The following DAB1 variants were observed in gnomAD, a reference collection of about 807,000 sequenced individuals.
DAB1 encodes disabled homolog 1.
In DAB1, 15 loss-of-function variants were observed where a neutral mutation model predicts 64.6. The ratio of observed to expected loss-of-function variants is 0.23; its 90% CI spans 0.16 to 0.36. The LOEUF (loss-of-function observed/expected upper bound fraction) is 0.36, where lower values mean the gene tolerates loss of function less well. Ranked by LOEUF, DAB1 falls within the 10% of genes least tolerant of loss-of-function variation. The probability of loss-of-function intolerance (pLI) is 1.00; values close to 1 mark genes in which losing one functional copy is unlikely to be tolerated. For synonymous variants in DAB1, 235 were observed against 251.9 expected, an observed-to-expected ratio of 0.93 and a Z score of 0.64; for missense variants, 596 against 706.7, an observed-to-expected ratio of 0.84 and a Z score of 1.78.
At chr1:57,072,068 A>T (rs1244560761) in intron 5 of DAB1, among the ~76,000 whole-genome samples, 4 of 148,852 alleles carry the variant, frequency 2.7e-5, no homozygotes, top group African/African-American at 9.8e-5. Context: ...ATTAGTTAAA[A>T]AAAAAAAAAA....
chr1:57,193,547 C>T (rs925779195), intron 2 of DAB1, among the ~76,000 whole-genome samples: 4 of 151,836 alleles, frequency 2.6e-5, no homozygotes, highest in African/African-American at 9.7e-5. Context: ...CCACTATGCC[C>T]AGCTAATTTT....
At chr1:58,301,243 T>A (rs1242986467) in intron 4 of DAB1, among the ~76,000 whole-genome samples, 1 of 129,324 alleles carries the variant, frequency 7.7e-6, no homozygotes, top group African/African-American at 3.0e-5. Context: ...GAGGGGGGGG[T>A]CATGAAATTA....
intron 1 of DAB1, among the ~76,000 whole-genome samples, chr1:57,392,639 A>C (rs918690995): frequency 6.6e-6 from 1 of 152,228 alleles, no homozygotes; most frequent in Middle Eastern, 3.2e-3. Context: ...CAGGAGAAAT[A>C]TTTTTGGTGG....
intron 5 of DAB1, among the ~76,000 whole-genome samples, chr1:57,914,983 GT>G (rs1644704457): frequency 6.6e-6 from 1 of 152,088 alleles, no homozygotes; most frequent in Non-Finnish European, 1.5e-5. Context: ...TTTGAAAAAT[GT>G]ATCTTACTAT....
intron 4 of DAB1, among the ~76,000 whole-genome samples, chr1:57,123,609 T>C (rs921457319): frequency 6.6e-6 from 1 of 152,094 alleles, no homozygotes; most frequent in Non-Finnish European, 1.5e-5. Flanking sequence ...AGAATTTCAA[T>C]GAAGGAAATA....
chr1:57,453,847 C>CT (rs1013615964), intron 7 of DAB1, among the ~76,000 whole-genome samples: 2 of 151,960 alleles, frequency 1.3e-5, no homozygotes, highest in African/African-American at 4.8e-5. Flanking sequence ...GACATTACTT[C>CT]TTTTTTTCTC....
chr1:57,904,958 C>G (rs900131672), intron 5 of DAB1, among the ~76,000 whole-genome samples: 1 of 152,082 alleles, frequency 6.6e-6, no homozygotes. Flanking sequence ...ATTCCAACTG[C>G]TCCATGAAAG....
chr1:57,188,577 A>G (rs141289094), intron 2 of DAB1, among the ~76,000 whole-genome samples: 12 of 152,314 alleles, frequency 7.9e-5, no homozygotes, highest in African/African-American at 2.9e-4. Flanking sequence ...ACTGTCATCA[A>G]AGATGATATG....
At chr1:57,101,141 T>A (rs1654650831) in intron 4 of DAB1, among the ~76,000 whole-genome samples, 2 of 152,136 alleles carry the variant, frequency 1.3e-5, no homozygotes, top group Non-Finnish European at 2.9e-5. Flanking sequence ...TGGTACTGGG[T>A]CTGACTTCTA....
At chr1:58,355,675 C>T (rs568968728) in intron 3 of DAB1, among the ~76,000 whole-genome samples, 19 of 152,304 alleles carry the variant, frequency 1.2e-4, no homozygotes, top group Non-Finnish European at 2.8e-4. Flanking sequence ...CTGGAGACCT[C>T]CTCTTCCCCC....
rs78802892 is a variant in DAB1, at chr1:57,536,780, C to G, written n.625+112812G>C. Among the ~76,000 whole-genome samples, 723 of 152,048 alleles carry G rather than the reference C, an allele frequency of 4.8e-3. 4 individuals carry two copies. The highest frequency in any genetic ancestry group is 0.017 in the African/African-American group (695 of 41,468). On this transcript the variant is annotated intron_variant and non_coding_transcript_variant, in intron 7 of 20. Coordinates refer to the DAB1 transcript ENST00000485760. ...TACCTCTCCCTTTCTGCTGCCGCAG[C>G]CCCACTCCCACCCCCGCCAGCCTAT...
At chr1:57,673,456 G>A (rs1017726736) in intron 6 of DAB1, among the ~76,000 whole-genome samples, 9 of 152,130 alleles carry the variant, frequency 5.9e-5, no homozygotes, top group African/African-American at 2.2e-4. Flanking sequence ...GTCTGTGAAT[G>A]AGAGTTTGGC....
chr1:57,746,373 T>A (rs1648268613), intron 6 of DAB1, among the ~76,000 whole-genome samples: 1 of 152,192 alleles, frequency 6.6e-6, no homozygotes, highest in Non-Finnish European at 1.5e-5. Flanking sequence ...CAACACTTGA[T>A]CTTGTCACAC....
intron 4 of DAB1, 113 bp from the exon 5 acceptor site, chr1:57,072,527 A>C: frequency 8.8e-7 from 1 of 1,137,154 alleles, no homozygotes; most frequent in Middle Eastern, 2.1e-4. Flanking sequence ...GCTTTGGAAA[A>C]GCTGTTTAGT....
chr1:57,281,199 C>G (rs1294532177), intron 2 of DAB1, among the ~76,000 whole-genome samples: 2 of 152,064 alleles, frequency 1.3e-5, no homozygotes, highest in Non-Finnish European at 2.9e-5. Flanking sequence ...GATCTCCCAG[C>G]CTAGTGAGTG....
chr1:57,452,147 G>T (rs1686395894), intron 7 of DAB1, among the ~76,000 whole-genome samples: 3 of 132,566 alleles, frequency 2.3e-5, no homozygotes, highest in Admixed American at 7.9e-5. Context: ...TTAGGATTTA[G>T]TCTCTCTCTG....
intron 5 of DAB1, among the ~76,000 whole-genome samples, chr1:57,984,184 AAAAG>A (rs557402048): frequency 0.028 from 1,431 of 50,494 alleles, 35 homozygotes; most frequent in Middle Eastern, 0.071. Flanking sequence ...TAGCTTAAAA[AAAAG>A]AAAGAAAGAA....
intron 2 of DAB1, among the ~76,000 whole-genome samples, chr1:57,219,709 CTCAGTTCAAGCCCTGGATGGTAG>C (rs987202486): frequency 6.6e-6 from 1 of 152,192 alleles, no homozygotes; most frequent in African/African-American, 2.4e-5. Context: ...CTTCTAGGAG[CTCAGTTCAAGCCCTGGATGGTAG>C]TCAGCAAGAA....
intron 2 of DAB1, among the ~76,000 whole-genome samples, chr1:57,253,759 C>T (rs1267882201): frequency 6.6e-6 from 1 of 152,184 alleles, no homozygotes; most frequent in Non-Finnish European, 1.5e-5. Context: ...CCATCCTCTA[C>T]TCCTGATATA....
Sources: allele counts gnomAD v4.1 joint callset (sites outside exome capture counted in the v4.1 genomes callset), GRCh38; gene constraint gnomAD v4.1.1; transcripts MANE v1.5; gene names NCBI Gene and HGNC (gene_info 2026-07-23, HGNC 2026-07-21).